Variants in DNAH12 observed in about 807,000 individuals in gnomAD.
DNAH12 encodes the protein dynein axonemal heavy chain 12.
Under a neutral mutation model 371.5 loss-of-function variants are expected in DNAH12, and 285 were observed. The observed-to-expected ratio is 0.77, with a 90% CI of 0.70 to 0.85. The LOEUF (loss-of-function observed/expected upper bound fraction) is 0.85. Among genes scored for constraint, DNAH12 ranks in the 40% least tolerant of loss-of-function variants. The probability of loss-of-function intolerance (pLI) is 0.00; values close to 1 mark genes in which losing one functional copy is unlikely to be tolerated. For missense variants in DNAH12, 3,611 were observed against 3,689.4 expected, an observed-to-expected ratio of 0.98 and a Z score of 0.55; for synonymous variants, 1,200 against 1,213.0, an observed-to-expected ratio of 0.99 and a Z score of 0.22.
chr3:57,294,193 T>TTTTG (rs1559528305), intron 73 of DNAH12, among the ~76,000 whole-genome samples: 15 of 142,616 alleles, frequency 1.1e-4, no homozygotes, highest in South Asian at 2.2e-4. Context: ...TTTTTTTTTT[T>TTTTG]GGAGACTGAG....
At chr3:57,546,625 T>G (rs1575767261), upstream of DNAH12, among the ~76,000 whole-genome samples, 1 of 152,200 alleles carries the variant, frequency 6.6e-6, no homozygotes, top group South Asian at 2.1e-4. Flanking sequence ...ATTATAGGCA[T>G]GAGCCACCAT....
At chr3:57,516,130 C>T (rs1322810426) in intron 4 of DNAH12, among the ~76,000 whole-genome samples, 1 of 121,572 alleles carries the variant, frequency 8.2e-6, no homozygotes, top group Non-Finnish European at 1.6e-5. Flanking sequence ...ATGGCATGAT[C>T]TTGACTCACT....
rs1575644012 is a variant in DNAH12, at chr3:57,468,820, T to C, written c.2265A>G (p.Glu755=). ...TTGGTTCTTCTTCAATTTTCTCTTCTTCCAAAGACCGTTTTCTTGCTGCCT... is the reference window on the plus strand; with the variant it reads ...TTGGTTCTTCTTCAATTTTCTCTTCCTCCAAAGACCGTTTTCTTGCTGCCT... The part of the protein sequence containing the change: ...KRKAARKRSL[E]EEKIEEEPKD... The change falls in exon 17 of 74, where the codon GAA becomes GAG. Residue 755 remains glutamate, a synonymous_variant. Transcript: ENST00000495027. The C allele has an allele frequency of 6.5e-7, 1 of 1,536,068 alleles. No homozygotes were observed. The highest frequency in any genetic ancestry group is 8.7e-7 in the Non-Finnish European group (1 of 1,143,492).
At chr3:57,376,953 A>G (rs1425771109) in intron 53 of DNAH12, 28 bp downstream of exon 53, 1 of 152,176 alleles carries the variant, frequency 6.6e-6, no homozygotes, top group Non-Finnish European at 1.5e-5. Context: ...ACATTCCTAA[A>G]TCTTGCTAAA....
At chr3:57,410,280 G>A (rs2064159393) in intron 39 of DNAH12, among the ~76,000 whole-genome samples, 1 of 151,708 alleles carries the variant, frequency 6.6e-6, no homozygotes, top group Non-Finnish European at 1.5e-5. Context: ...TCACATTTTG[G>A]TAATACTTGC....
chr3:57,412,340 T>C (rs1268525265), intron 39 of DNAH12, among the ~76,000 whole-genome samples: 1 of 152,174 alleles, frequency 6.6e-6, no homozygotes, highest in Admixed American at 6.6e-5. Context: ...TTAAATGCAA[T>C]ACTATAAAAC....
At chr3:57,540,327 A>G (rs925472512) in intron 2 of DNAH12, among the ~76,000 whole-genome samples, 6 of 152,324 alleles carry the variant, frequency 3.9e-5, no homozygotes, top group Admixed American at 1.3e-4. Flanking sequence ...CTGGGATTAC[A>G]GGTGTAAGCC....
intron 52 of DNAH12, among the ~76,000 whole-genome samples, chr3:57,377,910 T>C (rs1379979266): frequency 6.6e-6 from 1 of 152,122 alleles, no homozygotes; most frequent in Non-Finnish European, 1.5e-5. Flanking sequence ...AGAGAGAGTG[T>C]GTGCCTGTTA....
intron 37 of DNAH12, among the ~76,000 whole-genome samples, chr3:57,416,506 A>C (rs891966113): frequency 6.6e-6 from 1 of 152,126 alleles, no homozygotes; most frequent in Non-Finnish European, 1.5e-5. Context: ...AGAAAGTCAA[A>C]GTCTGTCTCC....
chr3:57,311,356 C>T (rs1454992301), intron 66 of DNAH12, among the ~76,000 whole-genome samples: 2 of 152,122 alleles, frequency 1.3e-5, no homozygotes, highest in African/African-American at 4.8e-5. Context: ...GGATTACAGG[C>T]GTGAGCCACT....
At chr3:57,406,356 C>CA (rs782271639) in intron 40 of DNAH12, among the ~76,000 whole-genome samples, 1,048 of 95,890 alleles carry the variant, frequency 0.011, 9 homozygotes, top group Middle Eastern at 0.032. Context: ...GATTCTGCCT[C>CA]AAAAAAAAAA....
chr3:57,457,593 C>T, intron 22 of DNAH12, 128 bp downstream of exon 22: 1 of 1,060,216 alleles, frequency 9.4e-7, no homozygotes, highest in East Asian at 2.6e-5. Flanking sequence ...ATGTTAGAAA[C>T]AAAGAAGTAA....
At chr3:57,499,760 C>G (rs1460498006) in intron 11 of DNAH12, among the ~76,000 whole-genome samples, 1 of 144,784 alleles carries the variant, frequency 6.9e-6, no homozygotes, top group African/African-American at 2.5e-5. Flanking sequence ...ACTGCTTGAA[C>G]CCGGGAGGTT....
At position 57,491,099 on chromosome 3, in the gene DNAH12, A is replaced by AACAAC. The variant is rs1553708752; in HGVS notation, c.1336-1413_1336-1412insGTTGT. 5.9e-3 allele frequency among the ~76,000 whole-genome samples: 661 copies of AACAAC among 112,764 alleles called. 5 individuals are homozygous for AACAAC. Among genetic ancestry groups the AACAAC allele is most frequent in the African/African-American group, 0.019 (552 of 28,652 alleles). The allele number at this position is 112,764 out of a possible 152,430, so 74.0% of individuals were successfully genotyped here. A position where few individuals can be genotyped will look rare whatever the true frequency, so the allele number is the denominator to read the frequency against. On this transcript the variant is annotated intron_variant, in intron 11 of 73. Transcript: ENST00000495027. ...TCTATCTCAAAAAAAAAAAAAAAAA[A>AACAAC]AACAACAAATAAAGGGTAGACAGAA...
At chr3:57,409,183 G>A (rs2064129070) in intron 39 of DNAH12, among the ~76,000 whole-genome samples, 1 of 152,144 alleles carries the variant, frequency 6.6e-6, no homozygotes, top group Non-Finnish European at 1.5e-5. Flanking sequence ...ACATAATTTA[G>A]CTGGAACCAC....
intron 11 of DNAH12, among the ~76,000 whole-genome samples, chr3:57,497,734 A>G (rs991422563): frequency 1.3e-5 from 2 of 152,204 alleles, no homozygotes; most frequent in Non-Finnish European, 2.9e-5. Flanking sequence ...AAGATTTCTT[A>G]GGACACAAAA....
chr3:57,523,689 T>A, intron 3 of DNAH12, 80 bp from the exon 4 acceptor site: 1 of 1,267,118 alleles, frequency 7.9e-7, no homozygotes, highest in Non-Finnish European at 1.0e-6. Flanking sequence ...ATTAAATATA[T>A]AGTTTAAATA....
chr3:57,453,131 AT>A (rs1301331112), intron 24 of DNAH12, 115 bp downstream of exon 24: 4 of 1,459,828 alleles, frequency 2.7e-6, no homozygotes, highest in African/African-American at 2.9e-5. Flanking sequence ...TTGCCAACTT[AT>A]AAAAAAGATT....
intron 30 of DNAH12, among the ~76,000 whole-genome samples, chr3:57,435,490 A>G (rs538917850): frequency 1.3e-5 from 2 of 152,214 alleles, no homozygotes; most frequent in Admixed American, 1.3e-4. Context: ...AAGGTCAAGG[A>G]TACTTCCAGG....
Sources: allele counts gnomAD v4.1 joint callset (sites outside exome capture counted in the v4.1 genomes callset), GRCh38; gene constraint gnomAD v4.1.1; transcripts MANE v1.5; gene names NCBI Gene and HGNC (gene_info 2026-07-23, HGNC 2026-07-21).